The following TNNI3K variants were observed in gnomAD, a reference collection of about 807,000 sequenced individuals.
TNNI3K encodes the protein serine/threonine-protein kinase TNNI3K.
In TNNI3K, 140 loss-of-function variants were observed where a neutral mutation model predicts 114.5. The ratio of observed to expected loss-of-function variants is 1.22; its 90% CI spans 1.07 to 1.41. The LOEUF is 1.41. Ranked by LOEUF, TNNI3K falls within the 40% of genes most tolerant of loss-of-function variation. TNNI3K has a pLI of 0.00. For missense variants in TNNI3K, 1,125 were observed against 1,007.6 expected (o/e 1.12, Z -1.58); for synonymous variants, 347 against 347.5 (o/e 1.00, Z 0.02).
intron 23 of TNNI3K, among the ~76,000 whole-genome samples, chr1:74,525,642 T>C (rs1646494520): frequency 2.0e-5 from 3 of 152,086 alleles, no homozygotes; most frequent in Admixed American, 1.3e-4. Flanking sequence ...TCTGAAGGAG[T>C]GTGCTTCTGG....
At chr1:74,398,165 T>G (rs1289445096) in intron 17 of TNNI3K, among the ~76,000 whole-genome samples, 1 of 152,120 alleles carries the variant, frequency 6.6e-6, no homozygotes, top group Non-Finnish European at 1.5e-5. Flanking sequence ...GAGGAAGAAG[T>G]TAAACTGTTT....
chr1:74,528,722 A>G (rs1646540493), intron 23 of TNNI3K, among the ~76,000 whole-genome samples: 1 of 152,244 alleles, frequency 6.6e-6, no homozygotes, highest in Non-Finnish European at 1.5e-5. Flanking sequence ...TTACACACCT[A>G]TGTATGCTCA....
At chr1:74,434,974 T>C (rs1319362070) in intron 17 of TNNI3K, among the ~76,000 whole-genome samples, 1 of 152,020 alleles carries the variant, frequency 6.6e-6, no homozygotes, top group East Asian at 1.9e-4. Flanking sequence ...TTTTCTTGTT[T>C]TGACCATGAA....
At chr1:74,483,160 C>G (rs928478076) in intron 21 of TNNI3K, 14 of 648,716 alleles carry the variant, frequency 2.2e-5, no homozygotes, top group African/African-American at 2.0e-4. Context: ...AAAGGGTTAC[C>G]TCTTAAGCTG....
chr1:74,335,918 G>T, intron 6 of TNNI3K, 93 bp from the exon 7 acceptor site: 2 of 1,374,264 alleles, frequency 1.5e-6, no homozygotes, highest in African/African-American at 1.5e-5. Flanking sequence ...ATAAATTTTT[G>T]TGGTTTAAGC....
chr1:74,257,389 C>A (rs1428106397), intron 4 of TNNI3K, among the ~76,000 whole-genome samples: 1 of 152,078 alleles, frequency 6.6e-6, no homozygotes, highest in Non-Finnish European at 1.5e-5. Flanking sequence ...GTATTTGTTT[C>A]TATTTCATGT....
At chr1:74,369,768 A>G in intron 16 of TNNI3K, 183 bp downstream of exon 16, 1 of 640,158 alleles carries the variant, frequency 1.6e-6, no homozygotes, top group Non-Finnish European at 2.3e-6. Flanking sequence ...GAATAGAAAT[A>G]CTTTATGCTT....
At chr1:74,419,257 GTCT>G (rs1157974478) in intron 17 of TNNI3K, among the ~76,000 whole-genome samples, 7 of 152,016 alleles carry the variant, frequency 4.6e-5, no homozygotes, top group Non-Finnish European at 1.0e-4. Flanking sequence ...GTGTGTCTGT[GTCT>G]TCTTCTTTTC....
intron 5 of TNNI3K, among the ~76,000 whole-genome samples, chr1:74,299,388 T>G (rs1331702433): frequency 6.8e-6 from 1 of 147,618 alleles, no homozygotes; most frequent in East Asian, 2.0e-4. Flanking sequence ...TTTGCAAACA[T>G]ATATCAAATA....
At chr1:74,517,139 C>T (rs1302639639) in intron 23 of TNNI3K, among the ~76,000 whole-genome samples, 1 of 152,110 alleles carries the variant, frequency 6.6e-6, no homozygotes, top group African/African-American at 2.4e-5. Flanking sequence ...ACAAATCATT[C>T]TCAACACCTG....
chr1:74,484,755 G>A (rs956795608), intron 21 of TNNI3K, among the ~76,000 whole-genome samples: 1 of 152,146 alleles, frequency 6.6e-6, no homozygotes, highest in Non-Finnish European at 1.5e-5. Context: ...GTATACCTTA[G>A]AGATGAATGC....
At chr1:74,542,158 G>A (rs1646734639) in intron 24 of TNNI3K, among the ~76,000 whole-genome samples, 1 of 152,154 alleles carries the variant, frequency 6.6e-6, no homozygotes, top group South Asian at 2.1e-4. Flanking sequence ...ATAAATGCTA[G>A]CCTCAATGCC....
intron 23 of TNNI3K, among the ~76,000 whole-genome samples, chr1:74,524,519 GA>G (rs1646477032): frequency 6.6e-6 from 1 of 152,112 alleles, no homozygotes; most frequent in African/African-American, 2.4e-5. Context: ...AATGCATTAG[GA>G]AAAAGTCACA....
At chr1:74,307,857 G>A (rs1395362297) in intron 5 of TNNI3K, among the ~76,000 whole-genome samples, 1 of 152,142 alleles carries the variant, frequency 6.6e-6, no homozygotes, top group East Asian at 1.9e-4. Context: ...CAGCTACTCG[G>A]AAGGTTGAGG....
At chr1:74,331,934 C>CG (rs1660225039) in intron 6 of TNNI3K, among the ~76,000 whole-genome samples, 1 of 151,960 alleles carries the variant, frequency 6.6e-6, no homozygotes, top group African/African-American at 2.4e-5. Flanking sequence ...TGTTAGGATG[C>CG]AATATAAATT....
intron 17 of TNNI3K, among the ~76,000 whole-genome samples, chr1:74,392,518 A>G (rs1456842935): frequency 1.3e-5 from 2 of 152,180 alleles, no homozygotes; most frequent in Admixed American, 1.3e-4. Context: ...CTCATCTATA[A>G]AGTCATTTCT....
chr1:74,410,037 A>T (rs1389936355), intron 17 of TNNI3K, among the ~76,000 whole-genome samples: 1 of 152,198 alleles, frequency 6.6e-6, no homozygotes, highest in African/African-American at 2.4e-5. Context: ...CTAAAACAAA[A>T]AGATAGTTAA....
At chr1:74,335,506 T>G (rs2100423581) in intron 6 of TNNI3K, among the ~76,000 whole-genome samples, 1 of 152,266 alleles carries the variant, frequency 6.6e-6, no homozygotes, top group Middle Eastern at 3.4e-3. Flanking sequence ...TGCTTAGAGA[T>G]GCTCCTATCC....
intron 9 of TNNI3K, chr1:74,346,013 TG>T (rs1037220994): frequency 6.6e-6 from 1 of 152,206 alleles, no homozygotes; most frequent in African/African-American, 2.4e-5. Context: ...TTCTCACACC[TG>T]GAAAGAACTG....
Sources: allele counts gnomAD v4.1 joint callset (sites outside exome capture counted in the v4.1 genomes callset), GRCh38; gene constraint gnomAD v4.1.1; transcripts MANE v1.5; gene names NCBI Gene and HGNC (gene_info 2026-07-23, HGNC 2026-07-21).